PDE1A: variants seen among roughly 807,000 people sequenced by gnomAD.
PDE1A encodes the protein phosphodiesterase 1A, also known as dual specificity calcium/calmodulin-dependent 3',5'-cyclic nucleotide phosphodiesterase 1A.
PDE1A carries 35 observed loss-of-function variants against 61.7 expected under a neutral mutation model. The observed-to-expected ratio is 0.57, with a 90% CI of 0.43 to 0.75. The LOEUF (loss-of-function observed/expected upper bound fraction) is 0.75. Among genes scored for constraint, PDE1A ranks in the 30% least tolerant of loss-of-function variants. PDE1A has a pLI of 0.00. For synonymous variants in PDE1A, 232 were observed against 213.2 expected (o/e 1.09, Z -0.77); for missense variants, 597 against 630.6 (o/e 0.95, Z 0.57).
intron 7 of PDE1A, among the ~76,000 whole-genome samples, chr2:182,223,442 T>A (rs927518400): frequency 6.6e-6 from 1 of 152,040 alleles, no homozygotes; most frequent in African/African-American, 2.4e-5. Context: ...TAATACTTCA[T>A]GTTGGCCTGA....
At chr2:182,517,894 G>C (rs904896053) in intron 2 of PDE1A, among the ~76,000 whole-genome samples, 1 of 152,112 alleles carries the variant, frequency 6.6e-6, no homozygotes, top group Admixed American at 6.5e-5. Flanking sequence ...GCTTCGTATA[G>C]AACAAGAGCA....
At chr2:182,433,670 A>G (rs975105741) in intron 2 of PDE1A, among the ~76,000 whole-genome samples, 2 of 152,004 alleles carry the variant, frequency 1.3e-5, no homozygotes, top group African/African-American at 4.8e-5. Context: ...CATTATCACT[A>G]TATATGATGA....
the PDE1A span, among the ~76,000 whole-genome samples, chr2:182,715,876 C>T: frequency 3.3e-5 from 5 of 152,352 alleles, no homozygotes; most frequent in East Asian, 9.7e-4. Context: ...GTCTCACCCA[C>T]CCATCACCCA....
chr2:182,444,772 C>G (rs2125692149), intron 2 of PDE1A, among the ~76,000 whole-genome samples: 1 of 152,204 alleles, frequency 6.6e-6, no homozygotes, highest in South Asian at 2.1e-4. Flanking sequence ...TCTATCCACA[C>G]TTACATGTAT....
chr2:182,190,006 A>G (rs899592498), intron 10 of PDE1A, among the ~76,000 whole-genome samples: 2 of 152,224 alleles, frequency 1.3e-5, no homozygotes, highest in African/African-American at 4.8e-5. Flanking sequence ...TTAGGATAAA[A>G]TACGTAAGGA....
At chr2:182,685,424 T>C in the PDE1A span, among the ~76,000 whole-genome samples, 2 of 152,172 alleles carry the variant, frequency 1.3e-5, no homozygotes, top group Admixed American at 6.5e-5. Context: ...CATAGTTGAC[T>C]ATTCTTTAAT....
chr2:182,483,314 C>T (rs982086672), intron 2 of PDE1A, among the ~76,000 whole-genome samples: 2 of 151,830 alleles, frequency 1.3e-5, no homozygotes, highest in Non-Finnish European at 2.9e-5. Context: ...ACTTGAACAA[C>T]ACAATCAACT....
chr2:182,388,119 A>G (rs1216778005), intron 1 of PDE1A, among the ~76,000 whole-genome samples: 7 of 152,228 alleles, frequency 4.6e-5, no homozygotes, highest in African/African-American at 1.7e-4. Flanking sequence ...GGGTCAATTA[A>G]GCAAGAGACT....
chr2:182,223,185 A>C (rs1397954070), intron 7 of PDE1A, among the ~76,000 whole-genome samples: 2 of 152,126 alleles, frequency 1.3e-5, no homozygotes, highest in African/African-American at 4.8e-5. Context: ...AGACACAGCA[A>C]AAAGGGTGTT....
chr2:182,633,951 T>A, the PDE1A span, among the ~76,000 whole-genome samples: 2 of 151,182 alleles, frequency 1.3e-5, no homozygotes, highest in East Asian at 1.9e-4. Context: ...TAGCCAGGAG[T>A]GGTGGTGTGC....
chr2:182,575,433 T>A, the PDE1A span, among the ~76,000 whole-genome samples: 1 of 151,726 alleles, frequency 6.6e-6, no homozygotes, highest in East Asian at 2.0e-4. Context: ...AATCTTAACT[T>A]CTAGTTTAAT....
chr2:182,200,985 T>G (rs1215738117), intron 10 of PDE1A, among the ~76,000 whole-genome samples: 2 of 152,094 alleles, frequency 1.3e-5, no homozygotes, highest in African/African-American at 4.8e-5. Flanking sequence ...ACATTAGATT[T>G]TTGTTGTTGT....
the PDE1A span, among the ~76,000 whole-genome samples, chr2:182,710,457 C>T: frequency 6.6e-6 from 1 of 152,172 alleles, no homozygotes; most frequent in East Asian, 1.9e-4. Flanking sequence ...ATCCCCAGAA[C>T]ATATTCATCT....
intron 1 of PDE1A, among the ~76,000 whole-genome samples, chr2:182,280,777 A>T (rs1693750416): frequency 6.6e-6 from 1 of 151,900 alleles, no homozygotes; most frequent in Non-Finnish European, 1.5e-5. Context: ...AAGCTGGAAA[A>T]AAAATCAATA....
chr2:182,140,884 T>TAGAA (rs5836824), exon 15 of PDE1A: 111,298 of 151,270 alleles, frequency 0.74, 41,357 homozygotes, highest in African/African-American at 0.84. Flanking sequence ...GTATAGCAGA[T>TAGAA]AGAGAGAGAT....
chr2:182,416,929 G>A (rs955967849), intron 1 of PDE1A, among the ~76,000 whole-genome samples: 2 of 152,154 alleles, frequency 1.3e-5, no homozygotes, highest in Admixed American at 6.5e-5. Flanking sequence ...GTATCTCAGG[G>A]GAATGGTGAC....
chr2:182,575,481 C>T, the PDE1A span, among the ~76,000 whole-genome samples: 1 of 151,624 alleles, frequency 6.6e-6, no homozygotes, highest in Non-Finnish European at 1.5e-5. Flanking sequence ...AATGTTCCTT[C>T]CTCTGGAACT....
chr2:182,318,037 C>A (rs1055821049), intron 1 of PDE1A, among the ~76,000 whole-genome samples: 5 of 152,064 alleles, frequency 3.3e-5, no homozygotes, highest in African/African-American at 9.7e-5. Context: ...CAGCATACAA[C>A]AAGCCAGGCT....
chr2:182,275,950 G>C (rs1379161948), intron 1 of PDE1A, among the ~76,000 whole-genome samples: 1 of 151,922 alleles, frequency 6.6e-6, no homozygotes, highest in Admixed American at 6.6e-5. Flanking sequence ...ATATTAACAA[G>C]GCATTACAAA....
Sources: gnomAD v4.1 joint callset for allele counts (sites outside exome capture counted in the v4.1 genomes callset) on GRCh38, gnomAD v4.1.1 for gene constraint, MANE v1.5 for transcripts, NCBI Gene and HGNC (gene_info 2026-07-23, HGNC 2026-07-21) for gene names.